Variants in NCMAP observed in about 807,000 individuals in gnomAD.
NCMAP encodes the protein non-compact myelin associated protein, also known as noncompact myelin-associated protein.
A neutral mutation model predicts 7.8 loss-of-function variants in NCMAP; 8 were observed. That is an observed-to-expected ratio of 1.02 (90% CI 0.60 to 1.84). The LOEUF is 1.84. Among genes scored for constraint, NCMAP ranks in the 40% most tolerant of loss-of-function variants. NCMAP has a pLI of 0.00. For synonymous variants in NCMAP, 41 were observed against 52.9 expected (o/e 0.78, Z 0.98); for missense variants, 112 against 131.4 (o/e 0.85, Z 0.72).
At chr1:24,599,677 A>C (rs930068540) in intron 2 of NCMAP, among the ~76,000 whole-genome samples, 10 of 152,056 alleles carry the variant, frequency 6.6e-5, no homozygotes, top group African/African-American at 2.4e-4. Context: ...TCCCGGGTTC[A>C]AGCAATTCTC....
At chr1:24,597,767 A>G (rs567333165) in intron 2 of NCMAP, among the ~76,000 whole-genome samples, 13 of 152,320 alleles carry the variant, frequency 8.5e-5, no homozygotes, top group Admixed American at 8.5e-4. Flanking sequence ...CAGATTTAGC[A>G]AATAAAAATA....
intron 1 of NCMAP, among the ~76,000 whole-genome samples, chr1:24,593,751 C>A (rs1305310687): frequency 6.6e-6 from 1 of 152,064 alleles, no homozygotes; most frequent in Non-Finnish European, 1.5e-5. Flanking sequence ...GTAGACCCTT[C>A]GTGGGCTTCC....
rs1652710799 is a variant in NCMAP at position 24,605,903 on chromosome 1, C to A, written c.*156C>A. 6 of 847,308 alleles carry A rather than the reference C, an allele frequency of 7.1e-6. No homozygotes were observed. The African/African-American group carries it at 8.6e-5, about 12-fold the overall frequency. 52.5% of individuals were successfully genotyped at this position (847,308 alleles called of 1,614,324 possible). A position where few individuals can be genotyped will look rare whatever the true frequency, so the allele number is the denominator to read the frequency against. On this transcript the variant is annotated 3_prime_UTR_variant, in exon 4 of 4. Coordinates refer to ENST00000374392, the MANE Select transcript of NCMAP (RefSeq NM_001010980.5). ...CTCTGATGCTTCCAGCAATCCTCAA[C>A]CTTGTCTGCCCTGCCCTACCCCAAC...
chr1:24,560,160 CAAAA>C (rs67052970), intron 1 of NCMAP, among the ~76,000 whole-genome samples: 5,027 of 89,516 alleles, frequency 0.056, 311 homozygotes, highest in African/African-American at 0.2. Flanking sequence ...GACTCCATCT[CAAAA>C]AAAAAAAAAA....
intron 1 of NCMAP, among the ~76,000 whole-genome samples, chr1:24,585,078 C>A (rs1363121465): frequency 1.3e-5 from 2 of 152,104 alleles, no homozygotes; most frequent in African/African-American, 4.8e-5. Context: ...CTACAAGGAA[C>A]ACATGTTCAG....
chr1:24,590,371 T>C (rs1461843642), intron 1 of NCMAP, among the ~76,000 whole-genome samples: 1 of 152,190 alleles, frequency 6.6e-6, no homozygotes, highest in East Asian at 1.9e-4. Context: ...GCCACCTATT[T>C]GTATCTCTTT....
At chr1:24,603,146 C>T (rs1264765541) in intron 3 of NCMAP, among the ~76,000 whole-genome samples, 4 of 152,106 alleles carry the variant, frequency 2.6e-5, no homozygotes, top group African/African-American at 7.2e-5. Context: ...AAGCTCCTTA[C>T]ATGTGTTAAT....
chr1:24,557,385 G>GT (rs1269415453), intron 1 of NCMAP, among the ~76,000 whole-genome samples: 1 of 151,564 alleles, frequency 6.6e-6, no homozygotes, highest in African/African-American at 2.4e-5. Flanking sequence ...GTGCATGTGT[G>GT]TATGTGTGCA....
At chr1:24,559,577 A>AC (rs1370474877) in intron 1 of NCMAP, among the ~76,000 whole-genome samples, 1 of 152,134 alleles carries the variant, frequency 6.6e-6, no homozygotes, top group Non-Finnish European at 1.5e-5. Context: ...TAAGGAAGGA[A>AC]CAGAGGGTGT....
chr1:24,580,502 G>A (rs1416767431), intron 1 of NCMAP, among the ~76,000 whole-genome samples: 4 of 152,176 alleles, frequency 2.6e-5, no homozygotes, highest in Non-Finnish European at 4.4e-5. Flanking sequence ...CCAAGCTGGA[G>A]TGCAGTGGTG....
intron 1 of NCMAP, among the ~76,000 whole-genome samples, chr1:24,585,070 A>G (rs1038454660): frequency 6.6e-6 from 1 of 152,190 alleles, no homozygotes; most frequent in African/African-American, 2.4e-5. Flanking sequence ...GGAACCAACT[A>G]CAAGGAACAC....
intron 1 of NCMAP, chr1:24,589,716 T>A (rs1360086627): frequency 6.6e-6 from 1 of 152,444 alleles, no homozygotes; most frequent in East Asian, 1.9e-4. Context: ...AGGGACAGGG[T>A]GGTGTGGTAG....
chr1:24,594,897 A>G (rs980755423), intron 1 of NCMAP, among the ~76,000 whole-genome samples: 3 of 113,704 alleles, frequency 2.6e-5, no homozygotes, highest in African/African-American at 1.2e-4. Context: ...ATGTAAAAAA[A>G]AAATTTTTTA....
chr1:24,556,480 A>C (rs1650899875), intron 1 of NCMAP, among the ~76,000 whole-genome samples: 1 of 152,166 alleles, frequency 6.6e-6, no homozygotes, highest in South Asian at 2.1e-4. Context: ...CGCTGGAAGA[A>C]AAGGGAGTCG....
intron 2 of NCMAP, among the ~76,000 whole-genome samples, chr1:24,596,831 C>T (rs1652246726): frequency 6.6e-6 from 1 of 152,082 alleles, no homozygotes; most frequent in Admixed American, 6.5e-5. Flanking sequence ...GAACTAGTGG[C>T]CCCGGAAGGA....
intron 1 of NCMAP, among the ~76,000 whole-genome samples, chr1:24,588,718 A>G (rs1651959040): frequency 6.6e-6 from 1 of 152,220 alleles, no homozygotes; most frequent in Non-Finnish European, 1.5e-5. Context: ...ACAACCCAAG[A>G]AAACAACAGT....
intron 1 of NCMAP, among the ~76,000 whole-genome samples, chr1:24,559,402 G>A (rs1162174494): frequency 6.6e-6 from 1 of 152,136 alleles, no homozygotes; most frequent in African/African-American, 2.4e-5. Flanking sequence ...GAGGCGGCAG[G>A]AAGAAGGAAA....
intron 1 of NCMAP, among the ~76,000 whole-genome samples, chr1:24,558,037 G>T (rs1045364266): frequency 3.3e-5 from 5 of 152,226 alleles, no homozygotes; most frequent in Admixed American, 1.3e-4. Flanking sequence ...AGCAAAGCTA[G>T]TTTCAGTTTT....
At chr1:24,597,617 G>GAGAAAGAAAGAA (rs71032831) in intron 2 of NCMAP, among the ~76,000 whole-genome samples, 1,693 of 87,498 alleles carry the variant, frequency 0.019, 35 homozygotes, top group Middle Eastern at 0.029. Flanking sequence ...AAGAAAGAAA[G>GAGAAAGAAAGAA]AGAAAGAAAG....
Sources: allele counts gnomAD v4.1 joint callset (sites outside exome capture counted in the v4.1 genomes callset), GRCh38; gene constraint gnomAD v4.1.1; transcripts MANE v1.5; gene names NCBI Gene and HGNC (gene_info 2026-07-23, HGNC 2026-07-21).